Variants in LRRTM4 observed in about 807,000 individuals in gnomAD.
LRRTM4 encodes leucine rich repeat transmembrane neuronal 4, also known as leucine-rich repeat transmembrane neuronal protein 4.
Under a neutral mutation model 47.6 loss-of-function variants are expected in LRRTM4, and 25 were observed. The observed-to-expected ratio is 0.53, with a 90% CI of 0.38 to 0.73. The LOEUF is 0.73. LRRTM4 is among the 30% of genes least tolerant of loss of function. The pLI, the probability that LRRTM4 is intolerant of heterozygous loss-of-function variation, is 0.00. For missense variants in LRRTM4, 638 were observed against 713.4 expected (o/e 0.89, Z 1.20); for synonymous variants, 311 against 269.5 (o/e 1.15, Z -1.51).
chr2:77,271,871 G>T (rs1676208956), intron 3 of LRRTM4, among the ~76,000 whole-genome samples: 2 of 152,096 alleles, frequency 1.3e-5, no homozygotes, highest in Non-Finnish European at 2.9e-5. Context: ...CACCCACCAT[G>T]TGTCATGCGT....
In LRRTM4 at chr2:77,007,077, T is replaced by G. The variant is rs10210527; in HGVS notation, c.1552-258161A>C. Among the ~76,000 whole-genome samples, 1,214 of 152,168 alleles carry G rather than the reference T, an allele frequency of 8.0e-3. 18 individuals are homozygous for G. The highest frequency in any genetic ancestry group is 0.028 in the African/African-American group (1,166 of 41,512). ...AACAGTTTGAGTTAAAAAAAAAGAT[T>G]AAATTTTAACTTGGGCAAGCTGACA... On this transcript the variant is annotated intron_variant, in intron 3 of 3. Transcript: ENST00000409884.
intron 3 of LRRTM4, among the ~76,000 whole-genome samples, chr2:77,063,128 T>C (rs1289691814): frequency 1.5e-5 from 2 of 131,588 alleles, no homozygotes; most frequent in Non-Finnish European, 3.0e-5. Context: ...CTAATCTTTG[T>C]ATTTTTTTTT....
chr2:77,435,852 C>T (rs940349417), intron 3 of LRRTM4, among the ~76,000 whole-genome samples: 1 of 152,042 alleles, frequency 6.6e-6, no homozygotes, highest in Admixed American at 6.6e-5. Flanking sequence ...TATCTTTATC[C>T]CTCCTTACAT....
rs557120585 is a variant in LRRTM4, at chr2:76,954,196, A to G, written c.1552-205280T>C. On this transcript the variant is annotated intron_variant, in intron 3 of 3. Coordinates refer to ENST00000409884, the MANE Select transcript of LRRTM4 (RefSeq NM_001134745.3). ...ATGTAAAGAAATAGAAATAAGGCCT[A>G]ATCAAAGAAACAAAATAAATTTTTA... 9.9e-5 allele frequency among the ~76,000 whole-genome samples: 15 copies of G among 152,008 alleles called. No individual in the cohort carries two copies. In the South Asian group the frequency reaches 3.1e-3, roughly 31 times the overall value.
At chr2:76,862,597 G>C (rs866224529) in intron 3 of LRRTM4, among the ~76,000 whole-genome samples, 2 of 152,106 alleles carry the variant, frequency 1.3e-5, no homozygotes, top group Non-Finnish European at 2.9e-5. Flanking sequence ...AAAGAAGGTT[G>C]CGCTTTGAGG....
At chr2:76,912,575 A>G (rs1368324959) in intron 3 of LRRTM4, among the ~76,000 whole-genome samples, 4 of 152,208 alleles carry the variant, frequency 2.6e-5, no homozygotes, top group African/African-American at 7.2e-5. Flanking sequence ...GCTCATGTTA[A>G]TTTATATGCA....
At chr2:77,412,237 C>A (rs1674471378) in intron 3 of LRRTM4, among the ~76,000 whole-genome samples, 2 of 152,156 alleles carry the variant, frequency 1.3e-5, no homozygotes, top group Non-Finnish European at 2.9e-5. Context: ...TTAGGGGCAG[C>A]ATTTTAGTTC....
chr2:77,013,167 C>A (rs1275850437), intron 3 of LRRTM4, among the ~76,000 whole-genome samples: 2 of 148,642 alleles, frequency 1.3e-5, no homozygotes, highest in Admixed American at 1.3e-4. Context: ...CAGCTTTGGG[C>A]TGAATCAGGA....
At chr2:76,903,447 A>G (rs540759286) in intron 3 of LRRTM4, among the ~76,000 whole-genome samples, 2 of 152,178 alleles carry the variant, frequency 1.3e-5, no homozygotes, top group Non-Finnish European at 2.9e-5. Context: ...GAGGCAGGAG[A>G]AAGGCATGAA....
At chr2:77,033,609 G>A (rs1678735959) in intron 3 of LRRTM4, among the ~76,000 whole-genome samples, 1 of 151,606 alleles carries the variant, frequency 6.6e-6, no homozygotes, top group Non-Finnish European at 1.5e-5. Context: ...TCTCTCCTTG[G>A]GGCTCTTAGT....
intron 3 of LRRTM4, among the ~76,000 whole-genome samples, chr2:77,259,364 G>C (rs1328910932): frequency 6.6e-6 from 1 of 151,998 alleles, no homozygotes; most frequent in Non-Finnish European, 1.5e-5. Context: ...AATATGCTGA[G>C]TGCTTGACAG....
At chr2:76,889,062 G>C (rs1673169498) in intron 3 of LRRTM4, among the ~76,000 whole-genome samples, 1 of 151,638 alleles carries the variant, frequency 6.6e-6, no homozygotes, top group South Asian at 2.1e-4. Flanking sequence ...CATCACAAAG[G>C]CTAAAAATCT....
intron 3 of LRRTM4, among the ~76,000 whole-genome samples, chr2:76,788,195 T>C: frequency 6.6e-6 from 1 of 152,132 alleles, no homozygotes; most frequent in East Asian, 1.9e-4. Context: ...TGTGTTAACA[T>C]ATGTAATTGA....
chr2:77,393,002 C>T (rs756632184), intron 3 of LRRTM4, among the ~76,000 whole-genome samples: 24 of 151,732 alleles, frequency 1.6e-4, no homozygotes, highest in East Asian at 5.9e-4. Context: ...TTTTACTTTT[C>T]GGTTAAAAAA....
intron 3 of LRRTM4, among the ~76,000 whole-genome samples, chr2:77,207,368 T>TACAC (rs1393230552): frequency 7.8e-6 from 1 of 128,192 alleles, no homozygotes; most frequent in African/African-American, 3.4e-5. Context: ...TATATATATA[T>TACAC]ATATACACAC....
intron 3 of LRRTM4, among the ~76,000 whole-genome samples, chr2:77,203,902 A>G (rs1291714998): frequency 6.6e-6 from 1 of 152,178 alleles, no homozygotes; most frequent in Non-Finnish European, 1.5e-5. Flanking sequence ...TTCAGTCTAG[A>G]AGTCTGAGGT....
At chr2:76,816,463 C>T (rs1404816253) in intron 3 of LRRTM4, among the ~76,000 whole-genome samples, 2 of 152,014 alleles carry the variant, frequency 1.3e-5, no homozygotes, top group Non-Finnish European at 2.9e-5. Context: ...CTATGCTTTA[C>T]AAGCAGTCCA....
chr2:77,247,571 C>T (rs1313958350), intron 3 of LRRTM4, among the ~76,000 whole-genome samples: 1 of 151,986 alleles, frequency 6.6e-6, no homozygotes, highest in Admixed American at 6.6e-5. Flanking sequence ...GATACTGTAC[C>T]TGAAAGTTAC....
chr2:77,300,455 G>C (rs183467737), intron 3 of LRRTM4, among the ~76,000 whole-genome samples: 3 of 152,270 alleles, frequency 2.0e-5, no homozygotes, highest in Admixed American at 1.3e-4. Flanking sequence ...CCAAAGACTA[G>C]ATGGGTAATT....
Sources: allele counts gnomAD v4.1 joint callset (sites outside exome capture counted in the v4.1 genomes callset), GRCh38; gene constraint gnomAD v4.1.1; transcripts MANE v1.5; gene names NCBI Gene and HGNC (gene_info 2026-07-23, HGNC 2026-07-21).